USP54: variants seen among roughly 807,000 people sequenced by gnomAD.
The protein encoded by USP54 is ubiquitin carboxyl-terminal hydrolase 54.
Under a neutral mutation model 170.5 loss-of-function variants are expected in USP54, and 87 were observed. The observed-to-expected ratio is 0.51, with a 90% CI of 0.43 to 0.61. The LOEUF is 0.61. Among genes scored for constraint, USP54 ranks in the 20% least tolerant of loss-of-function variants. USP54 has a pLI of 0.00. For synonymous variants in USP54, 655 were observed against 742.8 expected, an observed-to-expected ratio of 0.88 and a Z score of 1.92; for missense variants, 1,786 against 2,047.8, an observed-to-expected ratio of 0.87 and a Z score of 2.47.
At chr10:73,571,892 A>G (rs1266542413) in intron 3 of USP54, among the ~76,000 whole-genome samples, 3 of 152,232 alleles carry the variant, frequency 2.0e-5, no homozygotes, top group Non-Finnish European at 4.4e-5. Flanking sequence ...TGAACTGTAG[A>G]AATGTGAGCT....
At chr10:73,586,325 A>G (rs1214048839) in intron 1 of USP54, among the ~76,000 whole-genome samples, 1 of 152,180 alleles carries the variant, frequency 6.6e-6, no homozygotes, top group East Asian at 1.9e-4. Flanking sequence ...TCCTACAAGG[A>G]AAAGCCTTCC....
At chr10:73,546,404 T>G (rs2067831466) in intron 4 of USP54, 1 of 152,154 alleles carries the variant, frequency 6.6e-6, no homozygotes, top group African/African-American at 2.4e-5. Flanking sequence ...CAGGCTGGAG[T>G]GCAGTGGCAT....
chr10:73,565,443 G>A (rs1328375181), intron 4 of USP54, among the ~76,000 whole-genome samples: 2 of 152,080 alleles, frequency 1.3e-5, no homozygotes, highest in African/African-American at 4.8e-5. Flanking sequence ...TTGAGCCCAG[G>A]AGGTTGAGGC....
chr10:73,563,531 G>A (rs990259972), intron 4 of USP54, among the ~76,000 whole-genome samples: 7 of 151,548 alleles, frequency 4.6e-5, no homozygotes, highest in South Asian at 2.1e-4. Context: ...TCCACCCTCC[G>A]GGTTCAAGTG....
Position 73,575,595 on chromosome 10 carries a change from G to A in USP54, c.64C>T (p.Arg22Ter). ...CTGGGGGCTATGGAGGTTGAGCTTCGAGGTGCAAACATCCCTTGTACACTA... is the reference window on the plus strand; with the variant it reads ...CTGGGGGCTATGGAGGTTGAGCTTCAAGGTGCAAACATCCCTTGTACACTA... The part of the protein sequence containing the change: ...RGSVQGMFAP[R>*]SSTSIAPSKG... The change falls in exon 3 of 24, where the codon CGA becomes TGA. Residue 22 changes from arginine (R) to a stop codon, truncating the protein, a stop_gained. Transcript: ENST00000687698. LOFTEE classifies it high-confidence loss of function. 4 of 1,613,834 alleles carry A rather than the reference G, an allele frequency of 2.5e-6. No homozygotes were observed. Among genetic ancestry groups the A allele is most frequent in the South Asian group, 1.1e-5 (1 of 91,042 alleles).
chr10:73,613,515 G>A (rs541034789), intron 1 of USP54, among the ~76,000 whole-genome samples: 69 of 151,838 alleles, frequency 4.5e-4, no homozygotes, highest in African/African-American at 1.5e-3. Context: ...GATTCAAAAC[G>A]TCAAAATAAG....
chr10:73,566,762 A>C (rs1325890149), intron 4 of USP54, among the ~76,000 whole-genome samples: 1 of 152,096 alleles, frequency 6.6e-6, no homozygotes, highest in Admixed American at 6.6e-5. Flanking sequence ...AAACAAAAAA[A>C]ACAACAACAA....
Position 73,527,265 on chromosome 10 carries a change from T to C in USP54, c.2061-485A>G, listed in dbSNP as rs991267689. Reference sequence around the variant, plus strand: ...CTGTAATCCCAGCACTTTGGGAGGCTGAGGCAGGCGGATCATGAGATCAAG... The same window carrying C: ...CTGTAATCCCAGCACTTTGGGAGGCCGAGGCAGGCGGATCATGAGATCAAG... On this transcript the variant is annotated intron_variant, in intron 15 of 23. Coordinates refer to ENST00000687698, the MANE Select transcript of USP54 (RefSeq NM_001391956.1). 3.9e-5 allele frequency among the ~76,000 whole-genome samples: 6 copies of C among 152,190 alleles called. No individual in the cohort carries two copies. In the East Asian group the frequency reaches 9.7e-4, roughly 25 times the overall value.
At chr10:73,514,623 A>C (rs2060763076) in intron 20 of USP54, among the ~76,000 whole-genome samples, 1 of 152,118 alleles carries the variant, frequency 6.6e-6, no homozygotes, top group Non-Finnish European at 1.5e-5. Context: ...TCACTGAGGC[A>C]GACTCCAGCT....
chr10:73,559,464 G>A (rs1190503456), intron 4 of USP54, among the ~76,000 whole-genome samples: 1 of 151,806 alleles, frequency 6.6e-6, no homozygotes, highest in Non-Finnish European at 1.5e-5. Flanking sequence ...GGAGGCTGAG[G>A]CAGGAGAATC....
intron 1 of USP54, among the ~76,000 whole-genome samples, chr10:73,589,068 A>G (rs2077887615): frequency 6.6e-6 from 1 of 152,204 alleles, no homozygotes. Context: ...TCAATATTTA[A>G]CCAGTATATC....
chr10:73,534,369 A>G (rs1020576739), intron 12 of USP54, among the ~76,000 whole-genome samples: 17 of 151,746 alleles, frequency 1.1e-4, no homozygotes, highest in African/African-American at 3.9e-4. Context: ...ACCATGCCCA[A>G]CTAATTTTTT....
At chr10:73,573,175 A>G (rs1468980544) in intron 3 of USP54, among the ~76,000 whole-genome samples, 2 of 152,052 alleles carry the variant, frequency 1.3e-5, no homozygotes, top group Admixed American at 6.6e-5. Context: ...CTGTTGTCCT[A>G]GCTACCTAGG....
chr10:73,546,633 C>T (rs1408238796), intron 4 of USP54: 1 of 152,108 alleles, frequency 6.6e-6, no homozygotes. Context: ...CTGCGCCCAG[C>T]CTTATTAGTA....
At chr10:73,557,878 C>CTTTTTTTTT (rs765656681) in intron 4 of USP54, among the ~76,000 whole-genome samples, 8 of 115,000 alleles carry the variant, frequency 7.0e-5, no homozygotes, top group Non-Finnish European at 1.1e-4. Context: ...AGCTATTATT[C>CTTTTTTTTT]TTTTTTTTTT....
At chr10:73,541,771 T>C (rs1168312918) in intron 7 of USP54, 33 bp from the exon 8 acceptor site, 2 of 1,600,216 alleles carry the variant, frequency 1.2e-6, no homozygotes, top group East Asian at 2.2e-5. Context: ...GGGATGATGG[T>C]TTGTATTTAG....
intron 5 of USP54, among the ~76,000 whole-genome samples, chr10:73,544,046 G>T (rs1171152449): frequency 6.6e-6 from 1 of 151,292 alleles, no homozygotes; most frequent in Non-Finnish European, 1.5e-5. Context: ...GGGTTCAAGA[G>T]ATTCTCCTGC....
chr10:73,529,301 TGG>T, intron 15 of USP54: 1 of 244,814 alleles, frequency 4.1e-6, no homozygotes, highest in Admixed American at 5.0e-5. Context: ...TATCGGAGGG[TGG>T]AGGGTGGGAG....
chr10:73,539,744 C>A, intron 9 of USP54, 151 bp from the exon 10 acceptor site: 1 of 880,474 alleles, frequency 1.1e-6, no homozygotes, highest in African/African-American at 1.7e-5. Flanking sequence ...GATTAATCAT[C>A]AGAATTTAAC....
Sources: gnomAD v4.1 joint callset for allele counts (sites outside exome capture counted in the v4.1 genomes callset) on GRCh38, gnomAD v4.1.1 for gene constraint, MANE v1.5 for transcripts, NCBI Gene and HGNC (gene_info 2026-07-23, HGNC 2026-07-21) for gene names.